DOCK8: variants seen among roughly 807,000 people sequenced by gnomAD.
The protein encoded by DOCK8 is dedicator of cytokinesis protein 8.
In DOCK8, 141 loss-of-function variants were observed where a neutral mutation model predicts 245.6. The ratio of observed to expected loss-of-function variants is 0.57; its 90% CI spans 0.50 to 0.66. DOCK8 has a LOEUF of 0.66. Ranked by LOEUF, DOCK8 falls within the 30% of genes least tolerant of loss-of-function variation. The pLI is 0.00. For synonymous variants in DOCK8, 1,168 were observed against 970.2 expected (o/e 1.20, Z -3.79); for missense variants, 2,965 against 2,603.4 (o/e 1.14, Z -3.02).
At chr9:450,660 G>C (rs183648330) in intron 45 of DOCK8, among the ~76,000 whole-genome samples, 19 of 152,112 alleles carry the variant, frequency 1.2e-4, no homozygotes, top group African/African-American at 4.6e-4. Flanking sequence ...CAAAAGTTCT[G>C]AGTGTACTTG....
intron 6 of DOCK8, among the ~76,000 whole-genome samples, chr9:316,544 A>C (rs2050355079): frequency 6.6e-6 from 1 of 152,246 alleles, no homozygotes; most frequent in Non-Finnish European, 1.5e-5. Flanking sequence ...CATCTGTTTA[A>C]GAAAACAGTG....
At chr9:221,230 T>A (rs1305166907) in intron 1 of DOCK8, among the ~76,000 whole-genome samples, 1 of 152,084 alleles carries the variant, frequency 6.6e-6, no homozygotes, top group Non-Finnish European at 1.5e-5. Flanking sequence ...AAACCCAAGA[T>A]TAGAAAGGAG....
intron 8 of DOCK8, among the ~76,000 whole-genome samples, chr9:327,234 C>T (rs1418779514): frequency 6.6e-6 from 1 of 152,154 alleles, no homozygotes; most frequent in African/African-American, 2.4e-5. Flanking sequence ...CTTCTAAGGC[C>T]CATCCATCTC....
At chr9:247,340 C>T (rs755351806) in intron 1 of DOCK8, among the ~76,000 whole-genome samples, 18 of 152,010 alleles carry the variant, frequency 1.2e-4, no homozygotes, top group African/African-American at 3.4e-4. Flanking sequence ...TAATCAAATA[C>T]GACAAGTTAG....
chr9:389,517 A>G (rs2054093021), intron 23 of DOCK8, among the ~76,000 whole-genome samples: 1 of 152,222 alleles, frequency 6.6e-6, no homozygotes, highest in Non-Finnish European at 1.5e-5. Context: ...TGGGCATTAT[A>G]AAAACAAAAA....
intron 4 of DOCK8, among the ~76,000 whole-genome samples, chr9:303,361 A>G (rs1050774616): frequency 6.6e-6 from 1 of 152,226 alleles, no homozygotes; most frequent in Non-Finnish European, 1.5e-5. Flanking sequence ...CACAATTCAC[A>G]ATAGCAAAGA....
At chr9:421,308 A>G (rs1161602678) in intron 32 of DOCK8, among the ~76,000 whole-genome samples, 3 of 152,222 alleles carry the variant, frequency 2.0e-5, no homozygotes, top group African/African-American at 4.8e-5. Context: ...ACCAAATGAC[A>G]TCTTTTAATT....
At chr9:308,246 G>A (rs1274182340) in intron 5 of DOCK8, among the ~76,000 whole-genome samples, 1 of 152,138 alleles carries the variant, frequency 6.6e-6, no homozygotes, top group Admixed American at 6.5e-5. Context: ...TGAGGCAATG[G>A]GTACACTAAT....
chr9:463,816 A>T, intron 47 of DOCK8, 129 bp downstream of exon 47: 1 of 1,096,846 alleles, frequency 9.1e-7, no homozygotes, highest in Non-Finnish European at 1.4e-6. Context: ...AGGGTCCCAC[A>T]GTCAGAGAGG....
At chr9:452,154 G>A in intron 46 of DOCK8, 37 bp downstream of exon 46, 1 of 1,393,310 alleles carries the variant, frequency 7.2e-7, no homozygotes, top group East Asian at 2.3e-5. Context: ...CAGTAGAGCA[G>A]TGGTTCTCAA....
intron 1 of DOCK8, among the ~76,000 whole-genome samples, chr9:251,772 C>T (rs1313823424): frequency 1.3e-5 from 2 of 152,100 alleles, no homozygotes; most frequent in African/African-American, 4.8e-5. Context: ...AGACAGAAAG[C>T]ACTCATTAAG....
chr9:323,575 C>A (rs529099382), intron 7 of DOCK8, among the ~76,000 whole-genome samples: 9 of 152,276 alleles, frequency 5.9e-5, no homozygotes, highest in African/African-American at 2.2e-4. Flanking sequence ...AGTACATTCA[C>A]ATTGTTCTGC....
intron 2 of DOCK8, among the ~76,000 whole-genome samples, chr9:272,407 G>C (rs570471037): frequency 6.6e-6 from 1 of 152,134 alleles, no homozygotes; most frequent in East Asian, 1.9e-4. Flanking sequence ...TTTTGAGACA[G>C]GGTGTCAGTC....
intron 2 of DOCK8, among the ~76,000 whole-genome samples, chr9:279,802 G>C (rs4741749): frequency 0.36 from 54,951 of 152,126 alleles, 11,758 homozygotes; most frequent in African/African-American, 0.61. Context: ...AGGTGCGCCA[G>C]CTGGAGACAT....
intron 4 of DOCK8, among the ~76,000 whole-genome samples, chr9:290,346 T>G (rs759441757): frequency 8.5e-5 from 13 of 152,086 alleles, no homozygotes; most frequent in Non-Finnish European, 1.8e-4. Context: ...CCTGAGATAA[T>G]TCTTCTTCCA....
At chr9:334,663 C>A (rs147542593) in intron 11 of DOCK8, among the ~76,000 whole-genome samples, 1 of 152,018 alleles carries the variant, frequency 6.6e-6, no homozygotes, top group Non-Finnish European at 1.5e-5. Flanking sequence ...GCTAGCCACC[C>A]GCTCTCAAAA....
intron 30 of DOCK8, among the ~76,000 whole-genome samples, chr9:419,100 T>C (rs1451639528): frequency 6.6e-6 from 1 of 152,196 alleles, no homozygotes; most frequent in African/African-American, 2.4e-5. Flanking sequence ...GCTCTGACTA[T>C]CCCTTGTGAA....
At chr9:346,295 A>G (rs1365030743) in intron 14 of DOCK8, among the ~76,000 whole-genome samples, 1 of 152,090 alleles carries the variant, frequency 6.6e-6, no homozygotes, top group East Asian at 1.9e-4. Context: ...TTTCCATGTG[A>G]CCCAACAGCT....
At chr9:215,755 A>C in intron 1 of DOCK8, 1 of 219,304 alleles carries the variant, frequency 4.6e-6, no homozygotes, top group Non-Finnish European at 9.7e-6. Flanking sequence ...CAAACTAAAT[A>C]TGTAAGCACA....
Sources: gnomAD v4.1 joint callset for allele counts (sites outside exome capture counted in the v4.1 genomes callset) on GRCh38, gnomAD v4.1.1 for gene constraint, MANE v1.5 for transcripts, NCBI Gene and HGNC (gene_info 2026-07-23, HGNC 2026-07-21) for gene names.